Variants in FER observed in about 807,000 individuals in gnomAD.
FER encodes tyrosine-protein kinase Fer.
FER carries 63 observed loss-of-function variants against 111.0 expected under a neutral mutation model. The observed-to-expected ratio is 0.57, with a 90% CI of 0.46 to 0.70. The LOEUF is 0.70. Among genes scored for constraint, FER ranks in the 30% least tolerant of loss-of-function variants. The pLI is 0.00. For synonymous variants in FER, 327 were observed against 313.9 expected, an observed-to-expected ratio of 1.04 and a Z score of -0.44; for missense variants, 914 against 954.0, an observed-to-expected ratio of 0.96 and a Z score of 0.55.
At chr5:109,065,117 A>T (rs1259204017) in intron 16 of FER, among the ~76,000 whole-genome samples, 1 of 152,188 alleles carries the variant, frequency 6.6e-6, no homozygotes, top group Admixed American at 6.5e-5. Context: ...GGTTTTCACC[A>T]ATAACCTATC....
chr5:108,778,493 G>A (rs1753728027), intron 2 of FER, among the ~76,000 whole-genome samples: 1 of 152,306 alleles, frequency 6.6e-6, no homozygotes, highest in East Asian at 1.9e-4. Flanking sequence ...CCAGCATTTA[G>A]TGTAAACAGC....
chr5:109,085,201 T>TG (rs1055117749), intron 16 of FER, among the ~76,000 whole-genome samples: 2 of 151,846 alleles, frequency 1.3e-5, no homozygotes, highest in Non-Finnish European at 2.9e-5. Context: ...TTTATGGACT[T>TG]GATACATTGT....
chr5:108,955,112 G>A (rs1686502436), intron 12 of FER, among the ~76,000 whole-genome samples, 180 bp downstream of exon 12: 1 of 151,490 alleles, frequency 6.6e-6, no homozygotes, highest in South Asian at 2.1e-4. Flanking sequence ...TATGTTTAAG[G>A]AAACATGTAT....
At chr5:109,177,482 T>C (rs1456212737) in intron 17 of FER, 2 of 152,056 alleles carry the variant, frequency 1.3e-5, no homozygotes, top group Non-Finnish European at 2.9e-5. Context: ...AAAGGAGAAC[T>C]CTGGCTCAGC....
chr5:108,945,908 T>C (rs1257711824), intron 10 of FER, among the ~76,000 whole-genome samples: 1 of 152,110 alleles, frequency 6.6e-6, no homozygotes, highest in Non-Finnish European at 1.5e-5. Context: ...TTCTTTCTTA[T>C]TGTTTCCCCC....
At chr5:108,873,769 G>C (rs746832811) in intron 8 of FER, among the ~76,000 whole-genome samples, 1 of 152,156 alleles carries the variant, frequency 6.6e-6, no homozygotes, top group Non-Finnish European at 1.5e-5. Context: ...ACATTTGACA[G>C]TATCTGAAGA....
chr5:108,822,136 A>G (rs943256412), intron 3 of FER, among the ~76,000 whole-genome samples: 5 of 152,176 alleles, frequency 3.3e-5, no homozygotes, highest in African/African-American at 9.7e-5. Flanking sequence ...ACTTAGCATA[A>G]TGCCCTCTAG....
At chr5:109,159,124 G>T (rs1249381183) in intron 17 of FER, among the ~76,000 whole-genome samples, 1 of 152,064 alleles carries the variant, frequency 6.6e-6, no homozygotes, top group African/African-American at 2.4e-5. Flanking sequence ...GGCCAGTTGG[G>T]TAAAAGCTAC....
At chr5:109,026,277 ATG>A (rs1343360939) in intron 13 of FER, among the ~76,000 whole-genome samples, 2 of 152,208 alleles carry the variant, frequency 1.3e-5, no homozygotes, top group Non-Finnish European at 1.5e-5. Context: ...TAAGGTAATA[ATG>A]TGTGTGTTTC....
intron 10 of FER, among the ~76,000 whole-genome samples, chr5:108,937,382 A>G (rs1755612160): frequency 6.6e-6 from 1 of 152,010 alleles, no homozygotes; most frequent in Non-Finnish European, 1.5e-5. Context: ...CGACATCTAA[A>G]TAGAAGTCAC....
At chr5:108,765,114 A>G (rs1233837491) in intron 1 of FER, among the ~76,000 whole-genome samples, 1 of 152,232 alleles carries the variant, frequency 6.6e-6, no homozygotes, top group Non-Finnish European at 1.5e-5. Context: ...ATTAAGGTGC[A>G]TTAGAAAGCA....
At chr5:108,864,643 G>A (rs1300432175) in intron 5 of FER, among the ~76,000 whole-genome samples, 1 of 152,138 alleles carries the variant, frequency 6.6e-6, no homozygotes, top group African/African-American at 2.4e-5. Flanking sequence ...GTTTTTGTCA[G>A]GGTTGTCAAA....
chr5:108,895,838 G>A (rs1220853117), intron 9 of FER, among the ~76,000 whole-genome samples: 2 of 152,076 alleles, frequency 1.3e-5, no homozygotes, highest in Non-Finnish European at 2.9e-5. Context: ...AAATGTTTTT[G>A]AATTATATTC....
intron 8 of FER, among the ~76,000 whole-genome samples, chr5:108,876,735 C>A (rs1765126679): frequency 6.6e-6 from 1 of 152,050 alleles, no homozygotes. Flanking sequence ...ATGTACTGTA[C>A]AAATGTGAAA....
chr5:108,874,370 A>G (rs751011122), intron 8 of FER, among the ~76,000 whole-genome samples: 6 of 152,204 alleles, frequency 3.9e-5, no homozygotes, highest in Non-Finnish European at 5.9e-5. Context: ...ATTGAAGGTA[A>G]TAAATCTTTG....
intron 13 of FER, among the ~76,000 whole-genome samples, chr5:109,014,111 C>G (rs1230461824): frequency 2.3e-4 from 35 of 150,822 alleles, no homozygotes; most frequent in African/African-American, 7.8e-4. Flanking sequence ...TCAATTTTGG[C>G]TTTTGTTGCC....
chr5:109,140,867 A>G (rs1753446575), intron 17 of FER, among the ~76,000 whole-genome samples: 1 of 152,216 alleles, frequency 6.6e-6, no homozygotes, highest in Non-Finnish European at 1.5e-5. Flanking sequence ...TGAAGTTGCA[A>G]GAACAGTCCC....
At chr5:109,017,442 A>G (rs1767300099) in intron 13 of FER, among the ~76,000 whole-genome samples, 1 of 151,948 alleles carries the variant, frequency 6.6e-6, no homozygotes. Context: ...TCTGCTCATG[A>G]TTGCTGCAGA....
rs982550948 is a variant in FER, at chr5:109,195,014, G to C, written c.*7439G>C. On this transcript the variant is annotated 3_prime_UTR_variant, in exon 20 of 20. Coordinates refer to ENST00000281092, the MANE Select transcript of FER (RefSeq NM_005246.4). ...GATCCTAGGTAAAAGAACCAGCCTG[G>C]CAGTCTTTCCCACCTCATTGGTCCG... is the stretch of plus-strand genomic sequence containing the variant. 3 of 152,112 alleles carry C rather than the reference G, an allele frequency of 2.0e-5. No homozygotes were observed. The highest frequency in any genetic ancestry group is 7.2e-5 in the African/African-American group (3 of 41,406). 9.4% of individuals were successfully genotyped at this position (152,112 alleles called of 1,614,324 possible).
Sources: allele counts gnomAD v4.1 joint callset (sites outside exome capture counted in the v4.1 genomes callset), GRCh38; gene constraint gnomAD v4.1.1; transcripts MANE v1.5; gene names NCBI Gene and HGNC (gene_info 2026-07-23, HGNC 2026-07-21).